SNAP23: variants seen among roughly 807,000 people sequenced by gnomAD.
SNAP23 encodes the protein synaptosomal-associated protein 23.
Under a neutral mutation model 29.0 loss-of-function variants are expected in SNAP23, and 11 were observed. The ratio of observed to expected loss-of-function variants is 0.38; its 90% CI spans 0.24 to 0.63. The LOEUF is 0.63. Ranked by LOEUF, SNAP23 falls within the 20% of genes least tolerant of loss-of-function variation. SNAP23 has a pLI of 0.58. For synonymous variants in SNAP23, 60 were observed against 82.9 expected, an observed-to-expected ratio of 0.72 and a Z score of 1.50; for missense variants, 220 against 253.9, an observed-to-expected ratio of 0.87 and a Z score of 0.91.
chr15:42,511,343 TC>T (rs767604771), intron 1 of SNAP23, among the ~76,000 whole-genome samples: 63 of 152,318 alleles, frequency 4.1e-4, no homozygotes, highest in Non-Finnish European at 4.1e-4. Context: ...AAGTATTTTC[TC>T]CAGTGAGTGT....
At chr15:42,516,371 C>T (rs1487712808) in intron 5 of SNAP23, among the ~76,000 whole-genome samples, 1 of 151,896 alleles carries the variant, frequency 6.6e-6, no homozygotes, top group African/African-American at 2.4e-5. Flanking sequence ...CACTCTGTTA[C>T]CAGGCTGGAA....
chr15:42,525,094 G>A (rs2057486502), intron 5 of SNAP23, among the ~76,000 whole-genome samples: 1 of 152,166 alleles, frequency 6.6e-6, no homozygotes, highest in Non-Finnish European at 1.5e-5. Flanking sequence ...TCAGCTGGGC[G>A]CGGTAGCTCA....
At chr15:42,505,545 C>T in intron 1 of SNAP23, 1 of 148,390 alleles carries the variant, frequency 6.7e-6, no homozygotes. Flanking sequence ...CTTTTACTTC[C>T]TTTCTGCTTG....
At chr15:42,519,472 A>G (rs928549157) in intron 5 of SNAP23, among the ~76,000 whole-genome samples, 2 of 151,680 alleles carry the variant, frequency 1.3e-5, no homozygotes, top group Admixed American at 6.6e-5. Context: ...CCTGGGTTCA[A>G]TCGATTCTCA....
At chr15:42,507,601 C>T (rs760520182) in intron 1 of SNAP23, among the ~76,000 whole-genome samples, 4 of 152,254 alleles carry the variant, frequency 2.6e-5, no homozygotes, top group Admixed American at 2.0e-4. Flanking sequence ...TTCATCCCAC[C>T]CCACCAGTTC....
At chr15:42,510,022 T>G (rs2057347969) in intron 1 of SNAP23, among the ~76,000 whole-genome samples, 1 of 151,982 alleles carries the variant, frequency 6.6e-6, no homozygotes. Context: ...TGAGTCAGGG[T>G]TACACCACTG....
intron 1 of SNAP23, among the ~76,000 whole-genome samples, chr15:42,508,317 C>G (rs2057331132): frequency 6.6e-6 from 1 of 151,492 alleles, no homozygotes; most frequent in Non-Finnish European, 1.5e-5. Flanking sequence ...TTCATACATG[C>G]AAAACTCCCG....
chr15:42,511,290 C>T (rs891290303), intron 1 of SNAP23, among the ~76,000 whole-genome samples: 5 of 152,274 alleles, frequency 3.3e-5, no homozygotes, highest in East Asian at 3.9e-4. Flanking sequence ...TAGTCTTTTC[C>T]GAGCTGTTTG....
intron 7 of SNAP23, 132 bp downstream of exon 7, chr15:42,529,951 G>A: frequency 5.2e-6 from 5 of 963,838 alleles, no homozygotes; most frequent in Non-Finnish European, 7.6e-6. Context: ...TTCTGATGAG[G>A]TGGTGGTTCT....
At position 42,525,883 on chromosome 15, in the gene SNAP23, G is replaced by A. The variant is rs145458358; in HGVS notation, c.267-2379G>A. Among the ~76,000 whole-genome samples, 455 of 152,122 alleles carry A rather than the reference G, an allele frequency of 3.0e-3. 3 individuals carry two copies. Among genetic ancestry groups the A allele is most frequent in the Non-Finnish European group, 3.9e-3 (264 of 67,998 alleles). On this transcript the variant is annotated intron_variant, in intron 5 of 7. Coordinates refer to ENST00000249647, the MANE Select transcript of SNAP23 (RefSeq NM_003825.4). ...TTTAAACAATTCATTTGCATTTTAT[G>A]CCCTTATATCTAATTGTGGAAAGAA... is the stretch of plus-strand genomic sequence containing the variant.
upstream of SNAP23, among the ~76,000 whole-genome samples, chr15:42,494,662 C>A (rs1206215911): frequency 6.6e-6 from 1 of 151,868 alleles, no homozygotes; most frequent in East Asian, 1.9e-4. Context: ...ATTACAGGCG[C>A]CTGCCACCAT....
chr15:42,516,354 G>A (rs969280838), intron 5 of SNAP23, among the ~76,000 whole-genome samples: 2 of 151,570 alleles, frequency 1.3e-5, no homozygotes, highest in East Asian at 1.9e-4. Flanking sequence ...TTTTTGAGAC[G>A]GAGTCTCACT....
rs914293374 is a variant in SNAP23 at position 42,531,659 on chromosome 15, C to T, written c.*181C>T. 10 of 453,660 alleles carry T rather than the reference C, an allele frequency of 2.2e-5. No individual in the cohort carries two copies. Among genetic ancestry groups the T allele is most frequent in the Non-Finnish European group, 3.9e-5 (10 of 257,716 alleles). The allele number at this position is 453,660 out of a possible 1,614,324, so 28.1% of individuals were successfully genotyped here. A position where few individuals can be genotyped will look rare whatever the true frequency, so the allele number is the denominator to read the frequency against. ...GTTTTCTGTTGAGGGCCGACTGCTGCTCTGCCTTCCTTCTAGTATTTTCTT... is the reference window on the plus strand; with the variant it reads ...GTTTTCTGTTGAGGGCCGACTGCTGTTCTGCCTTCCTTCTAGTATTTTCTT... On this transcript the variant is annotated 3_prime_UTR_variant, in exon 8 of 8. Coordinates refer to ENST00000249647, the MANE Select transcript of SNAP23 (RefSeq NM_003825.4).
intron 5 of SNAP23, among the ~76,000 whole-genome samples, chr15:42,525,929 A>G (rs1296832536): frequency 6.6e-6 from 1 of 152,188 alleles, no homozygotes; most frequent in Admixed American, 6.5e-5. Context: ...AAGTGTAAAG[A>G]ATTTTTTCAA....
At chr15:42,525,451 CTTTTTTTTTTTTTTTTTT>C (rs1158969519) in intron 5 of SNAP23, among the ~76,000 whole-genome samples, 2 of 47,180 alleles carry the variant, frequency 4.2e-5, no homozygotes, top group African/African-American at 9.0e-5. Flanking sequence ...ATCCAGTCTT[CTTTTTTTTTTTTTTTTTT>C]TTTTTTTTTT....
chr15:42,506,012 C>T (rs868419081), intron 1 of SNAP23, among the ~76,000 whole-genome samples: 3 of 146,066 alleles, frequency 2.1e-5, no homozygotes, highest in African/African-American at 7.6e-5. Context: ...GTGGCATGAT[C>T]TCGACTAACT....
intron 1 of SNAP23, among the ~76,000 whole-genome samples, chr15:42,500,219 C>G (rs907174042): frequency 7.3e-6 from 1 of 137,178 alleles, no homozygotes; most frequent in African/African-American, 2.7e-5. Context: ...CTCTGGACAT[C>G]TGTTTTTGAG....
intron 6 of SNAP23, 98 bp from the exon 7 acceptor site, chr15:42,529,577 C>G: frequency 8.0e-7 from 1 of 1,242,440 alleles, no homozygotes; most frequent in Non-Finnish European, 1.1e-6. Flanking sequence ...CTTATACTTG[C>G]TGAGAGTCAT....
intron 5 of SNAP23, among the ~76,000 whole-genome samples, chr15:42,523,682 C>G (rs10518766): frequency 0.14 from 20,846 of 152,190 alleles, 1,957 homozygotes; most frequent in African/African-American, 0.27. Context: ...CCTAGTTTTA[C>G]GTACAAAGAA....
Sources: allele counts gnomAD v4.1 joint callset (sites outside exome capture counted in the v4.1 genomes callset), GRCh38; gene constraint gnomAD v4.1.1; transcripts MANE v1.5; gene names NCBI Gene and HGNC (gene_info 2026-07-23, HGNC 2026-07-21).